BORCS5: variants seen among roughly 807,000 people sequenced by gnomAD.
BORCS5 encodes the protein BLOC-1 related complex subunit 5.
In BORCS5, 17 loss-of-function variants were observed where a neutral mutation model predicts 22.1. The ratio of observed to expected loss-of-function variants is 0.77; its 90% confidence interval spans 0.53 to 1.15. The LOEUF is 1.15. Ranked by LOEUF, BORCS5 falls within the 50% of genes most tolerant of loss-of-function variation. The pLI is 0.00. For missense variants in BORCS5, 247 were observed against 253.2 expected, an observed-to-expected ratio of 0.98 and a Z score of 0.17; for synonymous variants, 117 against 99.8, an observed-to-expected ratio of 1.17 and a Z score of -1.03.
chr12:12,410,536 T>G (rs1941706327), intron 2 of BORCS5, among the ~76,000 whole-genome samples: 1 of 152,048 alleles, frequency 6.6e-6, no homozygotes, highest in African/African-American at 2.4e-5. Flanking sequence ...CAGATAGTTG[T>G]AGATATGCGG....
chr12:12,445,376 G>A (rs943066252), intron 3 of BORCS5, among the ~76,000 whole-genome samples: 6 of 151,858 alleles, frequency 4.0e-5, no homozygotes, highest in African/African-American at 1.5e-4. Context: ...TAGACAGAAG[G>A]TAACATGACA....
intron 2 of BORCS5, among the ~76,000 whole-genome samples, chr12:12,364,074 A>G (rs557877626): frequency 6.6e-6 from 1 of 152,232 alleles, no homozygotes; most frequent in Non-Finnish European, 1.5e-5. Flanking sequence ...AAGAAAATGT[A>G]TTAAGAAAAT....
intron 2 of BORCS5, among the ~76,000 whole-genome samples, chr12:12,433,348 A>AAAAAAAAT (rs35052204): frequency 7.9e-6 from 1 of 126,124 alleles, no homozygotes. Flanking sequence ...AAAAAAAAAA[A>AAAAAAAAT]GGAAATCTGC....
intron 3 of BORCS5, among the ~76,000 whole-genome samples, chr12:12,452,905 T>C (rs1942937846): frequency 2.0e-5 from 3 of 152,108 alleles, no homozygotes; most frequent in African/African-American, 7.2e-5. Flanking sequence ...CTACTGCAGG[T>C]CAAGTAGCCA....
At position 12,468,561 on chromosome 12, in the gene BORCS5, G is replaced by A. The variant is rs907152166; in HGVS notation, c.*2785G>A. ...GCCCCTTTCAGCTCTAAGATTCCAA[G>A]TCTGTGATTCCGATACATCTTGACT... On this transcript the variant is annotated 3_prime_UTR_variant, in exon 4 of 4. Transcript: ENST00000314565. The A allele has an allele frequency of 6.6e-6, 1 of 152,242 alleles. No homozygotes were observed. The highest frequency in any genetic ancestry group is 2.4e-5 in the African/African-American group (1 of 41,452). The allele number at this position is 152,242 out of a possible 1,614,324, so 9.4% of individuals were successfully genotyped here.
intron 2 of BORCS5, among the ~76,000 whole-genome samples, chr12:12,372,404 G>C (rs1863551488): frequency 6.6e-6 from 1 of 151,968 alleles, no homozygotes; most frequent in Non-Finnish European, 1.5e-5. Context: ...GAGTGCAGTG[G>C]CACCACCGTG....
intron 3 of BORCS5, among the ~76,000 whole-genome samples, chr12:12,444,639 T>C (rs890421565): frequency 6.6e-6 from 1 of 152,196 alleles, no homozygotes; most frequent in Admixed American, 6.5e-5. Context: ...CTAAAATGCA[T>C]CTGCAGCCCA....
At chr12:12,424,880 G>C (rs963115279) in intron 2 of BORCS5, among the ~76,000 whole-genome samples, 1 of 152,006 alleles carries the variant, frequency 6.6e-6, no homozygotes, top group Non-Finnish European at 1.5e-5. Flanking sequence ...TTTAATGTCC[G>C]GGTCCCAGAG....
In BORCS5 at chr12:12,378,223, G is replaced by A. The variant is rs192169878; in HGVS notation, c.202+16874G>A. 4.3e-3 allele frequency among the ~76,000 whole-genome samples: 657 copies of A among 152,176 alleles called. 5 individuals are homozygous for A. The highest frequency in any genetic ancestry group is 0.015 in the African/African-American group (636 of 41,524). Reference sequence around the variant, plus strand: ...CCCGTCTCTACTAAAAATACAAAAAGTAGCTAGGCATGGTGGCGTGCGCCT... The same window carrying A: ...CCCGTCTCTACTAAAAATACAAAAAATAGCTAGGCATGGTGGCGTGCGCCT... On this transcript the variant is annotated intron_variant, in intron 2 of 3. Coordinates refer to ENST00000314565, the MANE Select transcript of BORCS5 (RefSeq NM_058169.6).
At position 12,465,979 on chromosome 12, in the gene BORCS5, A is replaced by T. The variant is rs564422924; in HGVS notation, c.*203A>T. 1.8e-6 allele frequency: 1 copy of T among 550,606 alleles called. No individual in the cohort carries two copies. Among genetic ancestry groups the T allele is most frequent in the African/African-American group, 1.9e-5 (1 of 52,492 alleles). 34.1% of individuals were successfully genotyped at this position (550,606 alleles called of 1,614,324 possible). A position where few individuals can be genotyped will look rare whatever the true frequency, so the allele number is the denominator to read the frequency against. On this transcript the variant is annotated 3_prime_UTR_variant, in exon 4 of 4. Coordinates refer to ENST00000314565, the MANE Select transcript of BORCS5 (RefSeq NM_058169.6). ...CAGTTTCCCGGTGTGGAAGGAACCT[A>T]ACCAGTTCTCGGTGATAACTGAAGC...
chr12:12,425,126 CTG>C (rs1024081980), intron 2 of BORCS5, among the ~76,000 whole-genome samples: 4 of 152,190 alleles, frequency 2.6e-5, no homozygotes, highest in African/African-American at 9.7e-5. Flanking sequence ...CTCCCACAAA[CTG>C]TGTGCAAGCC....
chr12:12,417,207 T>A (rs10845533), intron 2 of BORCS5, among the ~76,000 whole-genome samples: 89,577 of 151,792 alleles, frequency 0.59, 27,072 homozygotes, highest in African/African-American at 0.68. Flanking sequence ...GTCCTTTGTG[T>A]TTTCTTCATT....
chr12:12,418,972 G>T (rs1156714784), intron 2 of BORCS5, among the ~76,000 whole-genome samples: 1 of 151,986 alleles, frequency 6.6e-6, no homozygotes, highest in Non-Finnish European at 1.5e-5. Context: ...GTCGTCTTCT[G>T]TGTTGATTTT....
intron 2 of BORCS5, among the ~76,000 whole-genome samples, chr12:12,392,485 AG>A (rs1282131371): frequency 3.0e-4 from 46 of 152,220 alleles, no homozygotes; most frequent in Middle Eastern, 3.4e-3. Flanking sequence ...GGCAGCAAAA[AG>A]GTTACAGACA....
At chr12:12,406,112 G>C (rs922175929) in intron 2 of BORCS5, among the ~76,000 whole-genome samples, 2 of 152,248 alleles carry the variant, frequency 1.3e-5, no homozygotes, top group Non-Finnish European at 2.9e-5. Flanking sequence ...ACCAAGGAAT[G>C]TACTTCATGG....
At chr12:12,425,413 ACCCCCATACTGTTTT>A (rs1942260482) in intron 2 of BORCS5, among the ~76,000 whole-genome samples, 1 of 151,502 alleles carries the variant, frequency 6.6e-6, no homozygotes, top group African/African-American at 2.4e-5. Flanking sequence ...TTTTTTAGGA[ACCCCCATACTGTTTT>A]CCCCAGCAGG....
chr12:12,437,368 C>G (rs1434688366), intron 3 of BORCS5, among the ~76,000 whole-genome samples: 1 of 152,230 alleles, frequency 6.6e-6, no homozygotes, highest in African/African-American at 2.4e-5. Flanking sequence ...GTCAACTAAA[C>G]CTCTTTCCTT....
At chr12:12,405,691 A>C (rs189678087) in intron 2 of BORCS5, among the ~76,000 whole-genome samples, 150 of 152,276 alleles carry the variant, frequency 9.9e-4, no homozygotes, top group Non-Finnish European at 1.6e-3. Context: ...CATGTAGTTA[A>C]ATTTTAGTAA....
At chr12:12,373,367 G>T (rs1241189150) in intron 2 of BORCS5, among the ~76,000 whole-genome samples, 1 of 152,146 alleles carries the variant, frequency 6.6e-6, no homozygotes, top group Non-Finnish European at 1.5e-5. Context: ...CACCTCCCTG[G>T]TCTGCCTCTT....
Sources: allele counts gnomAD v4.1 joint callset (sites outside exome capture counted in the v4.1 genomes callset), GRCh38; gene constraint gnomAD v4.1.1; transcripts MANE v1.5; gene names NCBI Gene and HGNC (gene_info 2026-07-23, HGNC 2026-07-21).